The following SNX14 variants were observed in gnomAD, a reference collection of about 807,000 sequenced individuals.
SNX14 encodes sorting nexin-14.
Under a neutral mutation model 133.8 loss-of-function variants are expected in SNX14, and 93 were observed. That is an observed-to-expected ratio of 0.70 (90% CI 0.59 to 0.83). The LOEUF is 0.83. Among genes scored for constraint, SNX14 ranks in the 40% least tolerant of loss-of-function variants. The pLI is 0.00. For synonymous variants in SNX14, 368 were observed against 365.6 expected (o/e 1.01, Z -0.07); for missense variants, 945 against 1,094.9 (o/e 0.86, Z 1.93).
chr6:85,552,762 C>T (rs1261954483), intron 7 of SNX14, among the ~76,000 whole-genome samples: 1 of 152,154 alleles, frequency 6.6e-6, no homozygotes, highest in Non-Finnish European at 1.5e-5. Flanking sequence ...GAATTGAGGA[C>T]TGAACTCTAA....
intron 7 of SNX14, among the ~76,000 whole-genome samples, chr6:85,557,193 T>C (rs1433633073): frequency 6.6e-6 from 1 of 152,168 alleles, no homozygotes; most frequent in Non-Finnish European, 1.5e-5. Context: ...CAGAAACCAC[T>C]GACAAAAAAG....
At chr6:85,562,148 T>C (rs542802962) in intron 6 of SNX14, among the ~76,000 whole-genome samples, 2 of 152,332 alleles carry the variant, frequency 1.3e-5, no homozygotes, top group African/African-American at 4.8e-5. Context: ...GCTACATCCA[T>C]GTTGCTGCAA....
chr6:85,540,593 C>A (rs1295079526), intron 15 of SNX14, among the ~76,000 whole-genome samples: 1 of 152,142 alleles, frequency 6.6e-6, no homozygotes, highest in Non-Finnish European at 1.5e-5. Flanking sequence ...GCAAATAATC[C>A]TAAAGGCATT....
Position 85,543,593 on chromosome 6 carries a change from T to A in SNX14, c.1264+12A>T, listed in dbSNP as rs1283771360. The A allele has an allele frequency of 2.6e-6, 4 of 1,559,350 alleles. No homozygotes were observed. The highest frequency in any genetic ancestry group is 2.3e-5 in the East Asian group (1 of 43,472). On this transcript the variant is annotated intron_variant, in intron 13 of 28. Coordinates refer to ENST00000314673, the MANE Select transcript of SNX14 (RefSeq NM_153816.6). ...AGTGCTAAATAAGTCATTCTTATCG[T>A]CTTTGACTTACTTCTTTGAATCTCT...
chr6:85,542,952 G>C (rs540019916), intron 14 of SNX14, among the ~76,000 whole-genome samples: 9 of 152,226 alleles, frequency 5.9e-5, no homozygotes, highest in African/African-American at 1.9e-4. Context: ...ATTTTTAGTA[G>C]AGATGGAGTT....
At chr6:85,544,873 A>C (rs1248670888) in intron 12 of SNX14, among the ~76,000 whole-genome samples, 1 of 152,248 alleles carries the variant, frequency 6.6e-6, no homozygotes, top group Non-Finnish European at 1.5e-5. Context: ...GTTCTGCAGA[A>C]AGAAATGAAG....
At chr6:85,541,697 T>G (rs945434037) in intron 15 of SNX14, among the ~76,000 whole-genome samples, 9 of 152,238 alleles carry the variant, frequency 5.9e-5, no homozygotes, top group African/African-American at 2.2e-4. Flanking sequence ...ATGCCACTTA[T>G]GCATTCAGTC....
At chr6:85,529,078 T>C (rs1296829019) in intron 19 of SNX14, among the ~76,000 whole-genome samples, 1 of 147,388 alleles carries the variant, frequency 6.8e-6, no homozygotes, top group African/African-American at 2.5e-5. Flanking sequence ...GCCACCAACA[T>C]GATGAAACCC....
At chr6:85,534,192 G>GC (rs1562255909) in intron 17 of SNX14, among the ~76,000 whole-genome samples, 1 of 152,172 alleles carries the variant, frequency 6.6e-6, no homozygotes, top group Admixed American at 6.5e-5. Context: ...CAGGCTGGGC[G>GC]CATTGGCTTT....
chr6:85,543,206 A>G lies in SNX14; in HGVS notation c.1365T>C (p.Thr455=). 6.3e-7 allele frequency: 1 copy of G among 1,581,866 alleles called. No homozygotes were observed. The highest frequency in any genetic ancestry group is 8.6e-7 in the Non-Finnish European group (1 of 1,167,786). The change falls in exon 14 of 29, where the codon ACT becomes ACC. Residue 455 remains threonine (T), a synonymous_variant. Coordinates refer to ENST00000314673, the MANE Select transcript of SNX14 (RefSeq NM_153816.6). ...CCTCATCACTATGGCAGAACATAGGAGTAAATACATTCTCCAAAAGGGAAA... is the reference window on the plus strand; with the variant it reads ...CCTCATCACTATGGCAGAACATAGGGGTAAATACATTCTCCAAAAGGGAAA... ...HVLSLLENVF[T]PMFCHSDEYF...
At chr6:85,526,277 T>A in intron 20 of SNX14, 40 bp from the exon 21 acceptor site, 1 of 1,224,678 alleles carries the variant, frequency 8.2e-7, no homozygotes, top group Non-Finnish European at 1.2e-6. Context: ...AGTTTAGAAA[T>A]CTAGAGGAGT....
intron 8 of SNX14, among the ~76,000 whole-genome samples, chr6:85,549,408 G>A (rs1786966559): frequency 6.6e-6 from 1 of 152,042 alleles, no homozygotes; most frequent in African/African-American, 2.4e-5. Flanking sequence ...TAATGTGCAT[G>A]TCTTTAAAGG....
chr6:85,512,767 G>C (rs976535881), intron 26 of SNX14, among the ~76,000 whole-genome samples: 27 of 152,272 alleles, frequency 1.8e-4, no homozygotes, highest in African/African-American at 6.3e-4. Context: ...GCTTCTCCAG[G>C]GGTTTTGAGT....
At chr6:85,561,561 G>A (rs1175123779) in intron 6 of SNX14, among the ~76,000 whole-genome samples, 1 of 152,004 alleles carries the variant, frequency 6.6e-6, no homozygotes, top group African/African-American at 2.4e-5. Context: ...TCCCTAGACT[G>A]TCTGTTAAAC....
In SNX14 at chr6:85,593,774, C is replaced by T; in HGVS notation, c.-56G>A. ...CTGGCTGAGGCAGAGGTCAAGGCGA[C>T]CCCCCATCCACACCTCGCGTCCCCG... On this transcript the variant is annotated 5_prime_UTR_variant, in exon 1 of 29. Coordinates refer to ENST00000314673, the MANE Select transcript of SNX14 (RefSeq NM_153816.6). 2 of 1,592,822 alleles carry T rather than the reference C, an allele frequency of 1.3e-6. No homozygotes were observed. Among genetic ancestry groups the T allele is most frequent in the South Asian group, 1.1e-5 (1 of 89,108 alleles).
At chr6:85,548,612 G>C (rs1021661396) in intron 8 of SNX14, among the ~76,000 whole-genome samples, 5 of 152,098 alleles carry the variant, frequency 3.3e-5, no homozygotes, top group Non-Finnish European at 7.4e-5. Flanking sequence ...GGCTAAAATA[G>C]AATATTACTT....
chr6:85,565,689 A>G (rs1793593587), intron 5 of SNX14, among the ~76,000 whole-genome samples: 1 of 152,232 alleles, frequency 6.6e-6, no homozygotes, highest in Non-Finnish European at 1.5e-5. Flanking sequence ...TTATTTTTAC[A>G]ATACTGAGAT....
intron 1 of SNX14, among the ~76,000 whole-genome samples, chr6:85,580,094 G>A (rs1160759780): frequency 6.6e-6 from 1 of 152,186 alleles, no homozygotes; most frequent in Non-Finnish European, 1.5e-5. Flanking sequence ...CCCTCTGCTT[G>A]AGGAGAGGAG....
chr6:85,543,697 T>C lies in SNX14; in HGVS notation c.1172A>G (p.Glu391Gly), dbSNP rs1050897799. ...TGTTTTATAAATCTTCTGCAATTCT[T>C]CATGAAGAGACAGCATTTCATCATT... ...LSNDEMLSLH[E>G]ELQKIYKTYC... Residue 391 changes from glutamate to glycine, a missense_variant, in exon 13 of 29, where the codon GAA becomes GGA. Transcript: ENST00000314673. 1.3e-6 allele frequency: 2 copies of C among 1,590,236 alleles called. No homozygotes were observed. Among genetic ancestry groups the C allele is most frequent in the Non-Finnish European group, 1.7e-6 (2 of 1,166,966 alleles).
Sources: allele counts gnomAD v4.1 joint callset (sites outside exome capture counted in the v4.1 genomes callset), GRCh38; gene constraint gnomAD v4.1.1; transcripts MANE v1.5; gene names NCBI Gene and HGNC (gene_info 2026-07-23, HGNC 2026-07-21).